The following PLEKHG4B variants were observed in gnomAD, a reference collection of about 807,000 sequenced individuals.
PLEKHG4B encodes pleckstrin homology domain-containing family G member 4B.
In PLEKHG4B, 111 loss-of-function variants were observed where a neutral mutation model predicts 121.3. The ratio of observed to expected loss-of-function variants is 0.92; its 90% CI spans 0.78 to 1.07. The LOEUF is 1.07. Ranked by LOEUF, PLEKHG4B falls within the 50% of genes least tolerant of loss-of-function variation. The pLI is 0.00. For missense variants in PLEKHG4B, 1,831 were observed against 1,757.8 expected, an observed-to-expected ratio of 1.04 and a Z score of -0.74; for synonymous variants, 738 against 725.0, an observed-to-expected ratio of 1.02 and a Z score of -0.29.
At chr5:96,869 A>G (rs552152925) in intron 1 of PLEKHG4B, among the ~76,000 whole-genome samples, 1 of 152,370 alleles carries the variant, frequency 6.6e-6, no homozygotes, top group East Asian at 1.9e-4. Flanking sequence ...ATGAGAAAAA[A>G]AAATTAGCAC....
chr5:96,481 A>G (rs190332350), intron 1 of PLEKHG4B, among the ~76,000 whole-genome samples: 47 of 152,346 alleles, frequency 3.1e-4, no homozygotes, highest in Non-Finnish European at 6.3e-4. Context: ...TTTTAGCAAA[A>G]CAATCATGTA....
At position 135,187 on chromosome 5, in the gene PLEKHG4B, CAAAAAAAAAAAA is replaced by C. The variant is rs35601775; in HGVS notation, c.244-4285_244-4274del. Among the ~76,000 whole-genome samples, 4 of 48,776 alleles carry C rather than the reference CAAAAAAAAAAAA, an allele frequency of 8.2e-5. No individual in the cohort carries two copies. In the South Asian group the frequency reaches 2.5e-3, roughly 30 times the overall value. The allele number at this position is 48,776 out of a possible 152,430, so 32.0% of individuals were successfully genotyped here. ...TGGGTGACAGAACGAGACTCCAGCT[CAAAAAAAAAAAA>C]AAAAAAAAAAGTTTGATTTATAATA... On this transcript the variant is annotated intron_variant, in intron 2 of 19. Coordinates refer to ENST00000637938, the MANE Select transcript of PLEKHG4B (RefSeq NM_052909.5).
intron 5 of PLEKHG4B, 73 bp downstream of exon 5, chr5:143,576 G>A: frequency 3.2e-6 from 5 of 1,568,934 alleles, no homozygotes; most frequent in Non-Finnish European, 1.7e-6. Context: ...AAAGTGGGGG[G>A]CACGGGGAGG....
In PLEKHG4B at chr5:182,599, C is replaced by CT; in HGVS notation, c.*277dup. ...AGACCTAAAACAAGACAAAAAAAGA[C>CT]TAAACATGAAACAAAAGATGTCAAG... is the stretch of plus-strand genomic sequence containing the variant. On this transcript the variant is annotated 3_prime_UTR_variant, in exon 20 of 20. Transcript: ENST00000637938. 2.2e-6 allele frequency: 1 copy of CT among 446,818 alleles called. No homozygotes were observed. The highest frequency in any genetic ancestry group is 4.0e-6 in the Non-Finnish European group (1 of 249,132). 27.7% of individuals were successfully genotyped at this position (446,818 alleles called of 1,614,324 possible). A position where few individuals can be genotyped will look rare whatever the true frequency, so the allele number is the denominator to read the frequency against.
At chr5:94,293 G>T (rs1733563864) in intron 1 of PLEKHG4B, among the ~76,000 whole-genome samples, 1 of 152,250 alleles carries the variant, frequency 6.6e-6, no homozygotes, top group South Asian at 2.1e-4. Flanking sequence ...CAGGGCAGGT[G>T]CTCCCTGTGG....
intron 1 of PLEKHG4B, among the ~76,000 whole-genome samples, chr5:101,078 T>C (rs1191626185): frequency 2.1e-4 from 20 of 93,936 alleles, no homozygotes; most frequent in Non-Finnish European, 3.0e-4. Context: ...TATAAAGCCC[T>C]GGAAAAAGTC....
intron 6 of PLEKHG4B, among the ~76,000 whole-genome samples, chr5:146,162 A>AACCCTGCAG (rs1735405178): frequency 1.3e-5 from 1 of 74,098 alleles, no homozygotes; most frequent in Non-Finnish European, 2.7e-5. Context: ...CCTCTCCCCC[A>AACCCTGCAG]TTCTGCAGCC....
intron 3 of PLEKHG4B, among the ~76,000 whole-genome samples, chr5:141,538 G>C (rs944341885): frequency 4.0e-5 from 6 of 151,000 alleles, no homozygotes; most frequent in African/African-American, 1.5e-4. Context: ...CGCTGGATTC[G>C]GGGCCCCTCT....
chr5:135,704 T>A lies in PLEKHG4B; in HGVS notation c.244-3779T>A, dbSNP rs1357169651. Reference sequence around the variant, plus strand: ...AAAAATATATATATATATATATATATATATATATATATATATATATATATG... The same window carrying A: ...AAAAATATATATATATATATATATAAATATATATATATATATATATATATG... On this transcript the variant is annotated intron_variant, in intron 2 of 19. Coordinates refer to ENST00000637938, the MANE Select transcript of PLEKHG4B (RefSeq NM_052909.5). Among the ~76,000 whole-genome samples the A allele has an allele frequency of 1.0e-3, 91 of 91,414 alleles. 2 individuals are homozygous for A. Among genetic ancestry groups the A allele is most frequent in the African/African-American group, 2.8e-3 (50 of 18,066 alleles). The allele number at this position is 91,414 out of a possible 152,430, so 60.0% of individuals were successfully genotyped here. A position where few individuals can be genotyped will look rare whatever the true frequency, so the allele number is the denominator to read the frequency against.
rs760041215 is a variant in PLEKHG4B at position 162,773 on chromosome 5, G to A, written c.2701G>A (p.Val901Met). 81 of 1,480,348 alleles carry A rather than the reference G, an allele frequency of 5.5e-5. No homozygotes were observed. Among genetic ancestry groups the A allele is most frequent in the Admixed American group, 3.1e-4 (12 of 39,132 alleles). 91.7% of individuals were successfully genotyped at this position (1,480,348 alleles called of 1,614,324 possible). Reference protein sequence around the residue: ...LDPEACPSSPVAECLRSCHQE... With the variant: ...LDPEACPSSPMAECLRSCHQE... ...CCCGGAGGCTTGTCCCTCCTCACCCGTGGCTGAGTGTTTGAGGAGCTGTCA... is the reference window on the plus strand; with the variant it reads ...CCCGGAGGCTTGTCCCTCCTCACCCATGGCTGAGTGTTTGAGGAGCTGTCA... Residue 901 changes from valine to methionine, a missense_variant, in exon 13 of 20, where the codon GTG (valine) becomes ATG (methionine). Physicochemically the swap from Val to Met is conservative, Grantham distance 21. Coordinates refer to ENST00000637938, the MANE Select transcript of PLEKHG4B (RefSeq NM_052909.5).
chr5:99,204 A>G (rs1560892523), intron 1 of PLEKHG4B, among the ~76,000 whole-genome samples: 2 of 100,268 alleles, frequency 2.0e-5, no homozygotes, highest in African/African-American at 6.9e-5. Flanking sequence ...ATATATATAT[A>G]TATATATATT....
chr5:148,032 T>C (rs1180609665), intron 6 of PLEKHG4B, among the ~76,000 whole-genome samples: 1 of 152,132 alleles, frequency 6.6e-6, no homozygotes, highest in African/African-American at 2.4e-5. Context: ...ATTCAACATC[T>C]TTCATGATGA....
intron 6 of PLEKHG4B, among the ~76,000 whole-genome samples, chr5:145,250 G>A (rs1411300149): frequency 2.6e-5 from 4 of 152,218 alleles, no homozygotes; most frequent in African/African-American, 4.8e-5. Flanking sequence ...GGAGGGCAGC[G>A]CAGCCCCATC....
In PLEKHG4B at chr5:156,025, C is replaced by T; in HGVS notation, c.2209-46C>T. 1.9e-5 allele frequency: 28 copies of T among 1,488,112 alleles called. No homozygotes were observed. Among genetic ancestry groups the T allele is most frequent in the Non-Finnish European group, 2.4e-5 (27 of 1,109,178 alleles). 92.2% of individuals were successfully genotyped at this position (1,488,112 alleles called of 1,614,324 possible). On this transcript the variant is annotated intron_variant, in intron 9 of 19. Coordinates refer to ENST00000637938, the MANE Select transcript of PLEKHG4B (RefSeq NM_052909.5). The surrounding 1 kb of genome is among the most constrained non-coding windows in gnomAD (Gnocchi z 4.4). ...ACTGTCACACTTGGGAGGACCTGCC[C>T]CTTGGAGGAGGGAGTTAAAGGCTTA...
intron 1 of PLEKHG4B, among the ~76,000 whole-genome samples, chr5:101,557 A>T (rs1473273273): frequency 6.4e-5 from 8 of 124,616 alleles, no homozygotes; most frequent in Non-Finnish European, 1.3e-4. Flanking sequence ...AAGCTCTGGA[A>T]AAAGTCTGTA....
chr5:134,911 C>T (rs747980613), intron 2 of PLEKHG4B, among the ~76,000 whole-genome samples: 10 of 152,056 alleles, frequency 6.6e-5, no homozygotes, highest in Non-Finnish European at 1.5e-4. Context: ...AATTTGTGGC[C>T]GGGCACGGTG....
At chr5:142,995 T>C (rs2126404668) in intron 3 of PLEKHG4B, 52 bp from the exon 4 acceptor site, 4 of 1,545,430 alleles carry the variant, frequency 2.6e-6, no homozygotes, top group East Asian at 4.5e-5. Flanking sequence ...GCAGCTGCTT[T>C]CAACGCGCAG....
At chr5:119,143 C>T (rs571647269) in intron 2 of PLEKHG4B, among the ~76,000 whole-genome samples, 226 of 152,140 alleles carry the variant, frequency 1.5e-3, no homozygotes, top group East Asian at 7.7e-4. Context: ...TACAGGTGTG[C>T]GCCACCATGC....
At chr5:153,870 T>G (rs777638189) in intron 7 of PLEKHG4B, among the ~76,000 whole-genome samples, 1 of 152,148 alleles carries the variant, frequency 6.6e-6, no homozygotes, top group African/African-American at 2.4e-5. Flanking sequence ...TATTTTGTTT[T>G]GTACAGATGG....
Sources: gnomAD v4.1 joint callset for allele counts (sites outside exome capture counted in the v4.1 genomes callset) on GRCh38, gnomAD v4.1.1 for gene constraint, Gnocchi (gnomAD v3.1) non-coding constraint, MANE v1.5 for transcripts, NCBI Gene and HGNC (gene_info 2026-07-23, HGNC 2026-07-21) for gene names.